IFT88: variants seen among roughly 807,000 people sequenced by gnomAD.
The protein encoded by IFT88 is intraflagellar transport 88.
In IFT88, 74 loss-of-function variants were observed where a neutral mutation model predicts 119.5. That is an observed-to-expected ratio of 0.62 (90% confidence interval 0.51 to 0.75). The LOEUF (loss-of-function observed/expected upper bound fraction) is 0.75, where lower values mean the gene tolerates loss of function less well. IFT88 is among the 30% of genes least tolerant of loss of function. The pLI is 0.00. For missense variants in IFT88, 961 were observed against 977.7 expected (o/e 0.98, Z 0.23); for synonymous variants, 279 against 316.7 (o/e 0.88, Z 1.26).
intron 15 of IFT88, 26 bp downstream of exon 15, chr13:20,625,875 G>A (rs774211160): frequency 7.9e-7 from 1 of 1,257,904 alleles, no homozygotes; most frequent in South Asian, 1.3e-5. Flanking sequence ...AATTTTAGAT[G>A]GAATTCCATA....
At chr13:20,645,140 A>G (rs1319713094) in intron 20 of IFT88, among the ~76,000 whole-genome samples, 182 bp downstream of exon 20, 1 of 152,130 alleles carries the variant, frequency 6.6e-6, no homozygotes, top group Non-Finnish European at 1.5e-5. Flanking sequence ...CCCAGGTTGA[A>G]GTGCAATGGC....
At position 20,656,398 on chromosome 13, in the gene IFT88, A is replaced by T. The variant is rs1440168958; in HGVS notation, c.2036A>T (p.Asp679Val). Reference protein sequence around the residue: ...NYQKALDTYKDTHRKFPENVE... With the variant: ...NYQKALDTYKVTHRKFPENVE... ...CAAAAAGCATTAGATACTTACAAAG[A>T]TACTCACAGAAAATTTCCAGAAAAT... Residue 679 changes from aspartate to valine, a missense_variant, in exon 22 of 26, where the codon GAT becomes GTT. Transcript: ENST00000351808. The T allele has an allele frequency of 6.6e-7, 1 of 1,523,690 alleles. No individual in the cohort carries two copies. The highest frequency in any genetic ancestry group is 9.0e-7 in the Non-Finnish European group (1 of 1,115,400). 94.4% of individuals were successfully genotyped at this position (1,523,690 alleles called of 1,614,324 possible).
chr13:20,658,977 A>G (rs1431816631), intron 22 of IFT88, among the ~76,000 whole-genome samples: 1 of 152,244 alleles, frequency 6.6e-6, no homozygotes, highest in African/African-American at 2.4e-5. Context: ...TTTAATTTTC[A>G]AAACAAATGT....
At chr13:20,672,012 C>G (rs2055958290) in intron 24 of IFT88, among the ~76,000 whole-genome samples, 1 of 152,102 alleles carries the variant, frequency 6.6e-6, no homozygotes, top group African/African-American at 2.4e-5. Flanking sequence ...GACGTGGTCC[C>G]CATGCTCAAA....
At chr13:20,689,235 G>A (rs1251036917) in intron 24 of IFT88, among the ~76,000 whole-genome samples, 1 of 152,030 alleles carries the variant, frequency 6.6e-6, no homozygotes, top group Non-Finnish European at 1.5e-5. Context: ...CCCGGCCCCA[G>A]GTTTTATTTT....
intron 4 of IFT88, among the ~76,000 whole-genome samples, chr13:20,590,305 TATATC>T (rs1298882233): frequency 6.6e-6 from 1 of 152,136 alleles, no homozygotes; most frequent in African/African-American, 2.4e-5. Flanking sequence ...GGAGGAAAGA[TATATC>T]AAACTCTATA....
Position 20,690,831 on chromosome 13 carries a change from C to A in IFT88, c.2353+16C>A. 1 of 1,548,076 alleles carries A rather than the reference C, an allele frequency of 6.5e-7. No individual in the cohort carries two copies. Among genetic ancestry groups the A allele is most frequent in the Non-Finnish European group, 8.9e-7 (1 of 1,119,950 alleles). ...AAAGAAATAGGCAAGTACTCTCCAC[C>A]CAGTTCCTCCAGGCATAGCAGGTCT... On this transcript the variant is annotated intron_variant, in intron 25 of 25. Transcript: ENST00000351808.
chr13:20,586,141 C>T (rs2039623963), intron 3 of IFT88, among the ~76,000 whole-genome samples: 1 of 152,184 alleles, frequency 6.6e-6, no homozygotes, highest in African/African-American at 2.4e-5. Context: ...GATGAGGAAA[C>T]TGAAGCCTAG....
chr13:20,598,495 C>G (rs2042108250), intron 9 of IFT88, among the ~76,000 whole-genome samples, 156 bp from the exon 10 acceptor site: 1 of 152,068 alleles, frequency 6.6e-6, no homozygotes, highest in South Asian at 2.1e-4. Context: ...ATTTGTAATG[C>G]AAGATAATTC....
intron 20 of IFT88, among the ~76,000 whole-genome samples, chr13:20,649,553 C>T (rs1039698912): frequency 2.6e-5 from 4 of 151,932 alleles, no homozygotes; most frequent in African/African-American, 9.7e-5. Context: ...AAGAAAGATC[C>T]CAAGTTAGTA....
intron 21 of IFT88, among the ~76,000 whole-genome samples, chr13:20,654,388 T>C (rs2052377611): frequency 6.6e-6 from 1 of 152,250 alleles, no homozygotes; most frequent in South Asian, 2.1e-4. Context: ...TTTGTGTTTT[T>C]GTTACTGCTT....
At chr13:20,574,284 C>T (rs1479077398) in intron 1 of IFT88, 96 bp from the exon 2 acceptor site, 2 of 547,314 alleles carry the variant, frequency 3.7e-6, no homozygotes, top group South Asian at 3.4e-5. Flanking sequence ...TGTGCTACTG[C>T]ATTCCAGCCT....
At chr13:20,604,829 C>T (rs770254792) in intron 12 of IFT88, among the ~76,000 whole-genome samples, 2 of 152,180 alleles carry the variant, frequency 1.3e-5, no homozygotes, top group East Asian at 1.9e-4. Context: ...ATGGCATGCC[C>T]CTGTAGTCCC....
chr13:20,569,489 C>T (rs1233911332), intron 1 of IFT88, among the ~76,000 whole-genome samples: 1 of 151,428 alleles, frequency 6.6e-6, no homozygotes, highest in Non-Finnish European at 1.5e-5. Context: ...AGGAGAATGG[C>T]GTGAACTCGG....
At chr13:20,594,076 A>AG (rs1314618439) in intron 7 of IFT88, among the ~76,000 whole-genome samples, 3 of 151,718 alleles carry the variant, frequency 2.0e-5, no homozygotes, top group African/African-American at 7.3e-5. Context: ...AAAAAAAAAA[A>AG]GACATATACA....
chr13:20,610,138 T>G (rs2044234195), intron 13 of IFT88, among the ~76,000 whole-genome samples: 1 of 152,080 alleles, frequency 6.6e-6, no homozygotes, highest in Admixed American at 6.5e-5. Context: ...GCTTTTCTTT[T>G]GATTGGAATT....
At chr13:20,593,685 A>G (rs1035464126) in intron 7 of IFT88, among the ~76,000 whole-genome samples, 7 of 152,078 alleles carry the variant, frequency 4.6e-5, no homozygotes. Flanking sequence ...TAATAAAAGC[A>G]TTTTTTATTT....
Position 20,638,326 on chromosome 13 carries a change from A to G in IFT88, c.1387-6A>G. On this transcript the variant is annotated splice_region_variant and splice_polypyrimidine_tract_variant and intron_variant, in intron 16 of 25. Coordinates refer to ENST00000351808, the MANE Select transcript of IFT88 (RefSeq NM_006531.5). ...TTCAAATAATTTGTATATGTATTTTACTTAGGGAAAGGATTTTGCACAAGC... is the reference window on the plus strand; with the variant it reads ...TTCAAATAATTTGTATATGTATTTTGCTTAGGGAAAGGATTTTGCACAAGC... 7.6e-7 allele frequency: 1 copy of G among 1,322,862 alleles called. No homozygotes were observed. Among genetic ancestry groups the G allele is most frequent in the Non-Finnish European group, 9.8e-7 (1 of 1,021,666 alleles). 81.9% of individuals were successfully genotyped at this position (1,322,862 alleles called of 1,614,324 possible). A position where few individuals can be genotyped will look rare whatever the true frequency, so the allele number is the denominator to read the frequency against.
chr13:20,643,420 A>G (rs1465789110), intron 18 of IFT88, 35 bp from the exon 19 acceptor site: 1 of 1,539,312 alleles, frequency 6.5e-7, no homozygotes, highest in Admixed American at 2.1e-5. Flanking sequence ...TAATGAATTT[A>G]GAAAACATGT....
Sources: gnomAD v4.1 joint callset for allele counts (sites outside exome capture counted in the v4.1 genomes callset) on GRCh38, gnomAD v4.1.1 for gene constraint, MANE v1.5 for transcripts, NCBI Gene and HGNC (gene_info 2026-07-23, HGNC 2026-07-21) for gene names.